The following ZSWIM6 variants were observed in gnomAD, a reference collection of about 807,000 sequenced individuals.
The protein encoded by ZSWIM6 is zinc finger SWIM-type containing 6.
In ZSWIM6, 9 loss-of-function variants were observed where a neutral mutation model predicts 113.2. That is an observed-to-expected ratio of 0.08 (90% CI 0.05 to 0.14). The LOEUF is 0.14. Ranked by LOEUF, ZSWIM6 falls within the 10% of genes least tolerant of loss-of-function variation. The probability of loss-of-function intolerance (pLI) is 1.00; values close to 1 mark genes in which losing one functional copy is unlikely to be tolerated. For missense variants in ZSWIM6, 1,162 were observed against 1,552.2 expected (o/e 0.75, Z 4.22); for synonymous variants, 611 against 606.5 (o/e 1.01, Z -0.11).
chr5:61,434,634 T>C (rs1485453912), intron 1 of ZSWIM6, among the ~76,000 whole-genome samples: 1 of 152,214 alleles, frequency 6.6e-6, no homozygotes, highest in Non-Finnish European at 1.5e-5. Context: ...TTTCTTTTTA[T>C]GGCTGAGTAG....
chr5:61,408,385 T>G (rs1408167583), intron 1 of ZSWIM6, among the ~76,000 whole-genome samples: 2 of 152,302 alleles, frequency 1.3e-5, no homozygotes, highest in African/African-American at 4.8e-5. Context: ...TTCAAGAAGA[T>G]AAATTATGAA....
At chr5:61,527,986 A>G (rs2112271825) in intron 7 of ZSWIM6, among the ~76,000 whole-genome samples, 1 of 152,310 alleles carries the variant, frequency 6.6e-6, no homozygotes, top group Non-Finnish European at 1.5e-5. Context: ...CTTTAGGTCT[A>G]GACCATTCTT....
intron 4 of ZSWIM6, among the ~76,000 whole-genome samples, chr5:61,504,514 T>A (rs1305389590): frequency 2.0e-5 from 3 of 152,214 alleles, no homozygotes; most frequent in Non-Finnish European, 2.9e-5. Flanking sequence ...TCATAAGTTC[T>A]TTCTGAACTC....
intron 4 of ZSWIM6, among the ~76,000 whole-genome samples, chr5:61,508,004 A>G (rs1748670917): frequency 6.6e-6 from 1 of 152,182 alleles, no homozygotes; most frequent in Admixed American, 6.5e-5. Context: ...TTAGGGGAAC[A>G]TGAATCTTAG....
chr5:61,366,380 T>C (rs1245842540), intron 1 of ZSWIM6, among the ~76,000 whole-genome samples: 1 of 152,210 alleles, frequency 6.6e-6, no homozygotes, highest in Non-Finnish European at 1.5e-5. Flanking sequence ...CAAGTTTATG[T>C]GTAGGTCTGA....
intron 1 of ZSWIM6, among the ~76,000 whole-genome samples, chr5:61,388,063 A>C (rs1745626808): frequency 6.9e-6 from 1 of 144,152 alleles, no homozygotes; most frequent in Non-Finnish European, 1.5e-5. Flanking sequence ...GCTCACTGCA[A>C]CCTCCGCCTC....
intron 2 of ZSWIM6, among the ~76,000 whole-genome samples, chr5:61,487,709 C>T (rs1198805184): frequency 6.6e-6 from 1 of 151,906 alleles, no homozygotes; most frequent in Non-Finnish European, 1.5e-5. Context: ...AGAAACACTA[C>T]TTTTTGTATG....
chr5:61,395,518 G>A (rs1374240649), intron 1 of ZSWIM6, among the ~76,000 whole-genome samples: 2 of 152,030 alleles, frequency 1.3e-5, no homozygotes, highest in Non-Finnish European at 2.9e-5. Context: ...AAAAATCAAC[G>A]GTTTAATTGA....
chr5:61,429,938 G>A (rs914065577), intron 1 of ZSWIM6, among the ~76,000 whole-genome samples: 1 of 152,222 alleles, frequency 6.6e-6, no homozygotes, highest in Non-Finnish European at 1.5e-5. Context: ...TACATGAATG[G>A]TAAGTGAAAG....
In ZSWIM6 at chr5:61,543,685, G is replaced by C. The variant is rs1749804227; in HGVS notation, c.3016G>C (p.Asp1006His). ...CTCTGCGCTAACCCTTTGTGAAAAG[G>C]ATCACATAGCTTTTGAGACGGCGTA... ...ALSALTLCEKDHIAFETAYQI... is the reference protein window; with the variant it reads ...ALSALTLCEKHHIAFETAYQI... Residue 1006 changes from aspartate to histidine, a missense_variant, in exon 14 of 14, where the codon GAT (aspartate) becomes CAT (histidine). Physicochemically the swap from Asp to His is moderately conservative, Grantham distance 81. Transcript: ENST00000252744. The surrounding 1 kb of genome is among the most constrained non-coding windows in gnomAD (Gnocchi z 4.3). The C allele has an allele frequency of 6.4e-7, 1 of 1,551,590 alleles. No homozygotes were observed. Among genetic ancestry groups the C allele is most frequent in the Admixed American group, 2.0e-5 (1 of 50,986 alleles).
rs1749431987 is a variant in ZSWIM6 at position 61,531,532 on chromosome 5, GGAATCCTAT to G, written c.2053_2061del (p.Glu685_Tyr687del). Reference sequence around the variant, plus strand: ...CTGCACACAAATTCTTAGAAGAAGGGGAATCCTATTTAACGCTGGCTGTGGAAGTAGCCC... The same window carrying G: ...CTGCACACAAATTCTTAGAAGAAGGGTTAACGCTGGCTGTGGAAGTAGCCC... On this transcript the variant is annotated inframe_deletion, in exon 9 of 14. Coordinates refer to ENST00000252744, the MANE Select transcript of ZSWIM6 (RefSeq NM_020928.2). 6.4e-7 allele frequency: 1 copy of G among 1,551,556 alleles called. No homozygotes were observed. Among genetic ancestry groups the G allele is most frequent in the Non-Finnish European group, 8.7e-7 (1 of 1,146,986 alleles).
intron 1 of ZSWIM6, 86 bp downstream of exon 1, chr5:61,333,034 C>T (rs1406458780): frequency 3.0e-5 from 32 of 1,062,126 alleles, no homozygotes; most frequent in Non-Finnish European, 3.7e-5. Flanking sequence ...CTGCGGACAG[C>T]CCCTAGTTCC....
At chr5:61,514,505 A>AT (rs1228309966) in intron 4 of ZSWIM6, among the ~76,000 whole-genome samples, 1 of 151,872 alleles carries the variant, frequency 6.6e-6, no homozygotes, top group African/African-American at 2.4e-5. Context: ...TAACTATAGG[A>AT]TTTTTTGCAG....
At chr5:61,369,177 C>G (rs1191299149) in intron 1 of ZSWIM6, among the ~76,000 whole-genome samples, 1 of 152,164 alleles carries the variant, frequency 6.6e-6, no homozygotes, top group Non-Finnish European at 1.5e-5. Flanking sequence ...CTATATTGTT[C>G]TAAGACCTGA....
chr5:61,403,069 A>G (rs1745971576), intron 1 of ZSWIM6, among the ~76,000 whole-genome samples: 1 of 152,252 alleles, frequency 6.6e-6, no homozygotes, highest in South Asian at 2.1e-4. Context: ...ACCAGGAATA[A>G]TGTGCTGTTT....
At position 61,531,168 on chromosome 5, in the gene ZSWIM6, CTT is replaced by C. The variant is rs1392381278; in HGVS notation, c.1985-296_1985-295del. Among the ~76,000 whole-genome samples, 4 of 152,240 alleles carry C rather than the reference CTT, an allele frequency of 2.6e-5. No homozygotes were observed. In the East Asian group the frequency reaches 5.8e-4, roughly 22 times the overall value. ...TTGTGTAATTAAATTTTGTTTTTCT[CTT>C]AAGTATTCTTAGTTCATATTTTCTT... On this transcript the variant is annotated intron_variant, in intron 8 of 13. Coordinates refer to ENST00000252744, the MANE Select transcript of ZSWIM6 (RefSeq NM_020928.2).
intron 1 of ZSWIM6, among the ~76,000 whole-genome samples, chr5:61,431,095 G>C (rs1275600228): frequency 6.6e-5 from 10 of 152,208 alleles, no homozygotes; most frequent in African/African-American, 2.4e-4. Flanking sequence ...TTATGGGTCG[G>C]GCATGGTGGC....
In ZSWIM6 at chr5:61,402,809, G is replaced by T. The variant is rs546293164; in HGVS notation, c.676+69861G>T. The stretch of plus-strand genomic sequence containing the variant: ...GGGAATATTTAGAATTTGTATTTTT[G>T]GGCATAATATCTTATTTATATTTCA... On this transcript the variant is annotated intron_variant, in intron 1 of 13. Transcript: ENST00000252744. Among the ~76,000 whole-genome samples the T allele has an allele frequency of 5.9e-5, 9 of 152,082 alleles. No homozygotes were observed. In the South Asian group the frequency reaches 1.9e-3, roughly 32 times the overall value.
intron 1 of ZSWIM6, among the ~76,000 whole-genome samples, chr5:61,366,527 A>G (rs573211668): frequency 6.6e-6 from 1 of 152,376 alleles, no homozygotes; most frequent in East Asian, 1.9e-4. Flanking sequence ...AAGACCCAGA[A>G]TCTTCTCTTA....
Sources: allele counts gnomAD v4.1 joint callset (sites outside exome capture counted in the v4.1 genomes callset), GRCh38; gene constraint gnomAD v4.1.1; non-coding constraint Gnocchi (gnomAD v3.1); transcripts MANE v1.5; gene names NCBI Gene and HGNC (gene_info 2026-07-23, HGNC 2026-07-21).